The following AFTPH variants were observed in gnomAD, a reference collection of about 807,000 sequenced individuals.
AFTPH encodes aftiphilin protein.
A neutral mutation model predicts 72.5 loss-of-function variants in AFTPH; 7 were observed. That is an observed-to-expected ratio of 0.10 (90% CI 0.05 to 0.18). The LOEUF (loss-of-function observed/expected upper bound fraction) is 0.18, where lower values mean the gene tolerates loss of function less well. AFTPH is among the 10% of genes least tolerant of loss of function. The probability of loss-of-function intolerance (pLI) is 1.00; values close to 1 mark genes in which losing one functional copy is unlikely to be tolerated. For synonymous variants in AFTPH, 337 were observed against 370.1 expected, an observed-to-expected ratio of 0.91 and a Z score of 1.03; for missense variants, 979 against 1,060.5, an observed-to-expected ratio of 0.92 and a Z score of 1.07.
chr2:64,551,870 A>G, exon 2 of AFTPH: 1 of 1,613,890 alleles, frequency 6.2e-7, no homozygotes. Context: ...AAAGACCAGG[A>G]AATTTAAATA....
chr2:64,558,282 T>C (rs1471634927), intron 2 of AFTPH, among the ~76,000 whole-genome samples: 1 of 152,218 alleles, frequency 6.6e-6, no homozygotes, highest in Non-Finnish European at 1.5e-5. Flanking sequence ...CATTACTTAA[T>C]ATCCTTGATA....
chr2:64,573,713 A>G (rs1369146480), intron 6 of AFTPH, among the ~76,000 whole-genome samples: 4 of 152,268 alleles, frequency 2.6e-5, no homozygotes, highest in Non-Finnish European at 5.9e-5. Flanking sequence ...GCTGGAGTGC[A>G]GTGGTATGAT....
At chr2:64,551,941 G>A (rs776827757) in exon 2 of AFTPH, 1 of 1,613,474 alleles carries the variant, frequency 6.2e-7, no homozygotes, top group South Asian at 1.1e-5. Flanking sequence ...GGAGATTTTA[G>A]AACTAATATG....
At chr2:64,589,019 T>C (rs2104262536) in intron 8 of AFTPH, among the ~76,000 whole-genome samples, 1 of 152,344 alleles carries the variant, frequency 6.6e-6, no homozygotes, top group South Asian at 2.1e-4. Flanking sequence ...GGTTGTCTTT[T>C]CATTATCTTG....
intron 2 of AFTPH, among the ~76,000 whole-genome samples, chr2:64,556,976 G>T (rs1049201124): frequency 6.6e-6 from 1 of 152,188 alleles, no homozygotes; most frequent in Non-Finnish European, 1.5e-5. Context: ...TGAGAACGAG[G>T]TCTTCACTTT....
At chr2:64,556,780 C>T (rs1005305779) in intron 2 of AFTPH, among the ~76,000 whole-genome samples, 5 of 152,172 alleles carry the variant, frequency 3.3e-5, no homozygotes, top group Admixed American at 3.3e-4. Context: ...AGCTGTGGGT[C>T]CAGCCAGTCT....
intron 2 of AFTPH, among the ~76,000 whole-genome samples, chr2:64,564,832 T>C (rs1401366213): frequency 6.6e-6 from 1 of 151,642 alleles, no homozygotes; most frequent in East Asian, 1.9e-4. Context: ...CTTATGGAAA[T>C]TGATACACTT....
chr2:64,592,447 A>G (rs546252556), exon 9 of AFTPH: 1 of 153,186 alleles, frequency 6.5e-6, no homozygotes, highest in Middle Eastern at 3.4e-3. Flanking sequence ...TTACATGTCA[A>G]ATTACTTTTG....
At chr2:64,570,218 C>T (rs1391345410) in intron 5 of AFTPH, among the ~76,000 whole-genome samples, 1 of 152,124 alleles carries the variant, frequency 6.6e-6, no homozygotes, top group Non-Finnish European at 1.5e-5. Context: ...GAGACATTTT[C>T]ATTCTGTTCC....
Sources: gnomAD v4.1 joint callset for allele counts (sites outside exome capture counted in the v4.1 genomes callset) on GRCh38, gnomAD v4.1.1 for gene constraint, MANE v1.5 for transcripts, NCBI Gene and HGNC (gene_info 2026-07-23, HGNC 2026-07-21) for gene names.